Variants in SERINC5 observed in about 807,000 individuals in gnomAD.
SERINC5 encodes chromosome 5 open reading frame 12.
A neutral mutation model predicts 63.1 loss-of-function variants in SERINC5; 41 were observed. The observed-to-expected ratio is 0.65, with a 90% CI of 0.51 to 0.84. The LOEUF (loss-of-function observed/expected upper bound fraction) is 0.84. Ranked by LOEUF, SERINC5 falls within the 40% of genes least tolerant of loss-of-function variation. The pLI, the probability that SERINC5 is intolerant of heterozygous loss-of-function variation, is 0.00. For missense variants in SERINC5, 523 were observed against 573.0 expected (o/e 0.91, Z 0.89); for synonymous variants, 222 against 215.2 (o/e 1.03, Z -0.28).
At chr5:80,191,943 A>G (rs552947808) in intron 2 of SERINC5, among the ~76,000 whole-genome samples, 18 of 152,240 alleles carry the variant, frequency 1.2e-4, no homozygotes, top group Non-Finnish European at 2.5e-4. Flanking sequence ...CATAACGCAT[A>G]TAAGACCATG....
chr5:80,165,544 G>T (rs1747240273), intron 7 of SERINC5, among the ~76,000 whole-genome samples: 1 of 152,166 alleles, frequency 6.6e-6, no homozygotes, highest in Admixed American at 6.5e-5. Context: ...AGTTACTTAA[G>T]TAGCAGGATC....
intron 2 of SERINC5, among the ~76,000 whole-genome samples, chr5:80,202,098 C>T (rs778710311): frequency 2.6e-5 from 4 of 151,922 alleles, no homozygotes; most frequent in African/African-American, 7.3e-5. Context: ...ATTAGCTGGC[C>T]GTGGTGGGGG....
intron 5 of SERINC5, among the ~76,000 whole-genome samples, chr5:80,172,440 C>G (rs1011573185): frequency 1.3e-5 from 2 of 152,220 alleles, no homozygotes; most frequent in Non-Finnish European, 2.9e-5. Flanking sequence ...TTAAATTGCT[C>G]TTTGTAACCA....
Position 80,142,163 on chromosome 5 carries a change from A to C in SERINC5, c.*1500T>G. The C allele has an allele frequency of 1.0e-6, 1 of 985,426 alleles. No individual in the cohort carries two copies. The highest frequency in any genetic ancestry group is 1.2e-6 in the Non-Finnish European group (1 of 829,940). The allele number at this position is 985,426 out of a possible 1,614,324, so 61.0% of individuals were successfully genotyped here. A position where few individuals can be genotyped will look rare whatever the true frequency, so the allele number is the denominator to read the frequency against. ...CCACCCCGAATGAAATTCTAACAGG[A>C]GTTTCCACCAAGTAAACCTTTTCCC... On this transcript the variant is annotated 3_prime_UTR_variant, in exon 12 of 12. Transcript: ENST00000507668.
chr5:80,246,787 A>G (rs1472950926), intron 1 of SERINC5, among the ~76,000 whole-genome samples: 1 of 152,256 alleles, frequency 6.6e-6, no homozygotes, highest in Admixed American at 6.5e-5. Context: ...ATGTTTTGAA[A>G]TATCATTAAT....
At chr5:80,234,202 A>G (rs1166112014) in intron 1 of SERINC5, among the ~76,000 whole-genome samples, 1 of 152,158 alleles carries the variant, frequency 6.6e-6, no homozygotes, top group Non-Finnish European at 1.5e-5. Flanking sequence ...GTCTTGTACC[A>G]AAGCAGCCCT....
chr5:80,230,636 T>C (rs942767955), intron 1 of SERINC5, among the ~76,000 whole-genome samples: 1 of 152,070 alleles, frequency 6.6e-6, no homozygotes, highest in Non-Finnish European at 1.5e-5. Context: ...ACCAGCACAA[T>C]CTCTCCCAAC....
intron 1 of SERINC5, among the ~76,000 whole-genome samples, chr5:80,208,140 A>T (rs1391570771): frequency 6.6e-6 from 1 of 152,202 alleles, no homozygotes; most frequent in Non-Finnish European, 1.5e-5. Context: ...AAAAAGTTAC[A>T]GCATATAAAA....
intron 11 of SERINC5, among the ~76,000 whole-genome samples, chr5:80,133,309 A>G (rs541146636): frequency 4.6e-5 from 7 of 152,326 alleles, no homozygotes; most frequent in African/African-American, 1.7e-4. Context: ...GAAAGGCCTA[A>G]CACTAGCCTA....
intron 8 of SERINC5, among the ~76,000 whole-genome samples, chr5:80,152,015 G>A (rs1007962619): frequency 2.6e-5 from 4 of 152,198 alleles, no homozygotes; most frequent in Non-Finnish European, 5.9e-5. Context: ...GAAGCCCACT[G>A]AGATCCAAGT....
At position 80,142,505 on chromosome 5, in the gene SERINC5, A is replaced by T; in HGVS notation, c.*1158T>A. 1 of 985,446 alleles carries T rather than the reference A, an allele frequency of 1.0e-6. No individual in the cohort carries two copies. The highest frequency in any genetic ancestry group is 1.2e-6 in the Non-Finnish European group (1 of 829,962). The allele number at this position is 985,446 out of a possible 1,614,324, so 61.0% of individuals were successfully genotyped here. On this transcript the variant is annotated 3_prime_UTR_variant, in exon 12 of 12. Coordinates refer to ENST00000507668, the MANE Select transcript of SERINC5 (RefSeq NM_001174072.3). Reference sequence around the variant, plus strand: ...TGCCTCTGCGCACCTCTTTTTAAGTATATTCGGCCACTTCCACACATTGCC... The same window carrying T: ...TGCCTCTGCGCACCTCTTTTTAAGTTTATTCGGCCACTTCCACACATTGCC...
intron 1 of SERINC5, among the ~76,000 whole-genome samples, chr5:80,249,533 T>C (rs1234497545): frequency 6.6e-6 from 1 of 152,122 alleles, no homozygotes; most frequent in East Asian, 1.9e-4. Context: ...CCGGGCACAG[T>C]GGCTCAGTCC....
chr5:80,211,255 C>T (rs1159720757), intron 1 of SERINC5, among the ~76,000 whole-genome samples: 2 of 152,140 alleles, frequency 1.3e-5, no homozygotes, highest in East Asian at 3.8e-4. Flanking sequence ...TTTTCTGCTG[C>T]CTGCAGAATT....
intron 4 of SERINC5, among the ~76,000 whole-genome samples, chr5:80,176,280 A>T (rs1382594664): frequency 6.6e-6 from 1 of 152,170 alleles, no homozygotes; most frequent in Admixed American, 6.5e-5. Flanking sequence ...CTCTGTAGAG[A>T]ATTTTAAAAC....
At chr5:80,114,177 C>T (rs1452740044) in intron 11 of SERINC5, among the ~76,000 whole-genome samples, 3 of 152,016 alleles carry the variant, frequency 2.0e-5, no homozygotes, top group African/African-American at 7.3e-5. Context: ...TTTCATACTG[C>T]TATAAAGACT....
chr5:80,196,876 G>C (rs1201654947), intron 2 of SERINC5, among the ~76,000 whole-genome samples: 1 of 150,968 alleles, frequency 6.6e-6, no homozygotes, highest in Non-Finnish European at 1.5e-5. Flanking sequence ...GGAGGCGGGG[G>C]TTGCTGTGAG....
At chr5:80,121,467 G>A (rs982108668) in intron 11 of SERINC5, among the ~76,000 whole-genome samples, 3 of 152,092 alleles carry the variant, frequency 2.0e-5, no homozygotes, top group African/African-American at 7.2e-5. Flanking sequence ...GCATCAAGGC[G>A]TGAGGCATCC....
At chr5:80,214,672 G>A (rs867005394) in intron 1 of SERINC5, among the ~76,000 whole-genome samples, 8 of 152,168 alleles carry the variant, frequency 5.3e-5, no homozygotes, top group African/African-American at 1.4e-4. Context: ...CAAGGCAGGC[G>A]GATCACTTGA....
At chr5:80,117,155 T>C (rs1340932577) in intron 11 of SERINC5, among the ~76,000 whole-genome samples, 2 of 151,966 alleles carry the variant, frequency 1.3e-5, no homozygotes, top group African/African-American at 4.8e-5. Context: ...ACAATGACTA[T>C]ATGCAGAAGA....
Sources: gnomAD v4.1 joint callset for allele counts (sites outside exome capture counted in the v4.1 genomes callset) on GRCh38, gnomAD v4.1.1 for gene constraint, MANE v1.5 for transcripts, NCBI Gene and HGNC (gene_info 2026-07-23, HGNC 2026-07-21) for gene names.